Variants in PTPRD observed in about 807,000 individuals in gnomAD.
The protein encoded by PTPRD is receptor-type tyrosine-protein phosphatase delta.
A neutral mutation model predicts 214.5 loss-of-function variants in PTPRD; 34 were observed. The observed-to-expected ratio is 0.16, with a 90% CI of 0.12 to 0.21. PTPRD has a LOEUF of 0.21. PTPRD is among the 10% of genes least tolerant of loss of function. The pLI, the probability that PTPRD is intolerant of heterozygous loss-of-function variation, is 1.00. For missense variants in PTPRD, 2,545 were observed against 2,398.7 expected, an observed-to-expected ratio of 1.06 and a Z score of -1.27; for synonymous variants, 1,128 against 845.7, an observed-to-expected ratio of 1.33 and a Z score of -5.79.
chr9:9,129,798 A>T (rs2099839836), intron 10 of PTPRD, among the ~76,000 whole-genome samples: 1 of 152,192 alleles, frequency 6.6e-6, no homozygotes, highest in South Asian at 2.1e-4. Context: ...TTGTCCAACC[A>T]GAAAATATTT....
intron 9 of PTPRD, among the ~76,000 whole-genome samples, chr9:9,299,402 C>A (rs1954383483): frequency 6.6e-6 from 1 of 151,600 alleles, no homozygotes; most frequent in Admixed American, 6.6e-5. Context: ...CTGCTAAATA[C>A]CTTATAATGC....
intron 2 of PTPRD, among the ~76,000 whole-genome samples, chr9:10,552,299 A>G (rs2061520411): frequency 6.6e-6 from 1 of 152,108 alleles, no homozygotes; most frequent in Admixed American, 6.5e-5. Context: ...CCAGTCCAAA[A>G]GTTTCTAAAT....
At chr9:9,907,643 T>A (rs1265475082) in intron 5 of PTPRD, among the ~76,000 whole-genome samples, 8 of 151,962 alleles carry the variant, frequency 5.3e-5, no homozygotes, top group Non-Finnish European at 1.2e-4. Context: ...ACATTGGGGA[T>A]TAGGGCTTCA....
At chr9:9,114,639 G>T (rs1357978870) in intron 10 of PTPRD, among the ~76,000 whole-genome samples, 1 of 152,068 alleles carries the variant, frequency 6.6e-6, no homozygotes, top group South Asian at 2.1e-4. Context: ...TGCTTGGACT[G>T]CCTCCCTTCC....
At chr9:10,046,653 G>A (rs2097402914) in intron 3 of PTPRD, among the ~76,000 whole-genome samples, 1 of 151,828 alleles carries the variant, frequency 6.6e-6, no homozygotes, top group Non-Finnish European at 1.5e-5. Flanking sequence ...TTGTTTTAGA[G>A]AAAAATACAT....
rs1174079510 is a variant in PTPRD, at chr9:8,485,851, G to A, written c.2966C>T (p.Thr989Ile). Residue 989 changes from threonine to isoleucine, a missense_variant, in exon 28 of 46, where the codon ACA becomes ATA. Transcript: ENST00000381196. Reference protein sequence around the residue: ...MTLTGLKPDTTYDVKVRAHTS... With the variant: ...MTLTGLKPDTIYDVKVRAHTS... ...ATGAGCACGTACTTTTACATCGTAT[G>A]TGGTATCTGGTTTTAAGCCAGTGAG... The A allele has an allele frequency of 1.9e-6, 3 of 1,614,048 alleles. No individual in the cohort carries two copies. Among genetic ancestry groups the A allele is most frequent in the African/African-American group, 1.3e-5 (1 of 74,926 alleles).
At chr9:8,423,972 C>T (rs1310172076) in intron 35 of PTPRD, among the ~76,000 whole-genome samples, 1 of 152,054 alleles carries the variant, frequency 6.6e-6, no homozygotes, top group African/African-American at 2.4e-5. Flanking sequence ...GGATGGAATG[C>T]TATTTGTTTC....
At chr9:10,149,733 CTTT>C (rs1368624726) in intron 3 of PTPRD, among the ~76,000 whole-genome samples, 1 of 142,438 alleles carries the variant, frequency 7.0e-6, no homozygotes, top group Admixed American at 7.1e-5. Flanking sequence ...CTTTTTTTTT[CTTT>C]TTTTTTTTTT....
chr9:9,297,909 A>T (rs1453679947), intron 9 of PTPRD, among the ~76,000 whole-genome samples: 1 of 151,668 alleles, frequency 6.6e-6, no homozygotes, highest in Non-Finnish European at 1.5e-5. Flanking sequence ...TAATCCTTAC[A>T]CAGCCCTATA....
intron 21 of PTPRD, among the ~76,000 whole-genome samples, chr9:8,516,625 A>T (rs2097784913): frequency 6.6e-6 from 1 of 152,084 alleles, no homozygotes; most frequent in African/African-American, 2.4e-5. Flanking sequence ...CATTGCCAGG[A>T]TTAGCAATGA....
intron 3 of PTPRD, among the ~76,000 whole-genome samples, chr9:10,115,042 CG>C (rs2098719665): frequency 7.0e-6 from 1 of 142,874 alleles, no homozygotes; most frequent in African/African-American, 2.6e-5. Context: ...GAAAAAAAAA[CG>C]AGAAAAAAAA....
At chr9:9,153,757 A>G (rs764842246) in intron 10 of PTPRD, among the ~76,000 whole-genome samples, 1 of 152,180 alleles carries the variant, frequency 6.6e-6, no homozygotes, top group Non-Finnish European at 1.5e-5. Context: ...AGAAAAATCA[A>G]CATTCATCTA....
chr9:8,942,394 G>A (rs771104343), intron 11 of PTPRD, among the ~76,000 whole-genome samples: 4 of 152,100 alleles, frequency 2.6e-5, no homozygotes, highest in South Asian at 2.1e-4. Flanking sequence ...GTTTCACCTC[G>A]TAGTTGACAT....
At chr9:10,009,155 T>C (rs996299485) in intron 4 of PTPRD, among the ~76,000 whole-genome samples, 2 of 151,866 alleles carry the variant, frequency 1.3e-5, no homozygotes, top group Non-Finnish European at 1.5e-5. Flanking sequence ...TCTTTTAGAG[T>C]CTTAAAGCTT....
intron 9 of PTPRD, among the ~76,000 whole-genome samples, chr9:9,392,811 T>C (rs990906258): frequency 1.3e-5 from 2 of 152,150 alleles, no homozygotes; most frequent in African/African-American, 4.8e-5. Flanking sequence ...TTTCTTCCAG[T>C]CTTCACTTTC....
intron 4 of PTPRD, among the ~76,000 whole-genome samples, chr9:9,963,281 C>A (rs770412317): frequency 2.6e-5 from 4 of 152,110 alleles, no homozygotes; most frequent in Non-Finnish European, 5.9e-5. Flanking sequence ...ACCTAAATTT[C>A]ATTTTCCATT....
In PTPRD at chr9:8,325,216, G is replaced by GTTTTTTT. The variant is rs1436113097; in HGVS notation, c.5535-5251_5535-5250insAAAAAAA. Among the ~76,000 whole-genome samples, 13 of 148,918 alleles carry GTTTTTTT rather than the reference G, an allele frequency of 8.7e-5. No individual in the cohort carries two copies. The East Asian group carries it at 1.2e-3, about 14-fold the overall frequency. ...GTATTGCCTAGGTTTTCTTCTAGGG[G>GTTTTTTT]TTTTCATCATTTTACATCTTAGGTT... On this transcript the variant is annotated intron_variant, in intron 44 of 45. Coordinates refer to ENST00000381196, the MANE Select transcript of PTPRD (RefSeq NM_002839.4).
intron 9 of PTPRD, among the ~76,000 whole-genome samples, chr9:9,292,339 C>T (rs1951441905): frequency 1.3e-5 from 2 of 151,374 alleles, no homozygotes; most frequent in African/African-American, 4.8e-5. Flanking sequence ...AACTTTGTCA[C>T]TTTCCGCATG....
intron 11 of PTPRD, among the ~76,000 whole-genome samples, chr9:8,767,087 T>C (rs542865624): frequency 1.3e-5 from 2 of 152,264 alleles, no homozygotes; most frequent in East Asian, 3.9e-4. Context: ...GAACCGCATA[T>C]GTAAGAGATT....
Sources: gnomAD v4.1 joint callset for allele counts (sites outside exome capture counted in the v4.1 genomes callset) on GRCh38, gnomAD v4.1.1 for gene constraint, MANE v1.5 for transcripts, NCBI Gene and HGNC (gene_info 2026-07-23, HGNC 2026-07-21) for gene names.